Variants in MYRIP observed in about 807,000 individuals in gnomAD.
The protein encoded by MYRIP is rab effector MyRIP.
A neutral mutation model predicts 98.0 loss-of-function variants in MYRIP; 49 were observed. The observed-to-expected ratio is 0.50, with a 90% confidence interval of 0.40 to 0.63. The LOEUF is 0.63. Among genes scored for constraint, MYRIP ranks in the 30% least tolerant of loss-of-function variants. The pLI is 0.00. For synonymous variants in MYRIP, 404 were observed against 409.5 expected (o/e 0.99, Z 0.16); for missense variants, 1,004 against 1,058.2 (o/e 0.95, Z 0.71).
At chr3:39,952,168 C>T (rs1261172932) in intron 2 of MYRIP, among the ~76,000 whole-genome samples, 1 of 152,124 alleles carries the variant, frequency 6.6e-6, no homozygotes, top group Non-Finnish European at 1.5e-5. Context: ...TTGCACATGG[C>T]TTCTTTCATT....
chr3:39,963,314 T>C (rs1008537760), intron 2 of MYRIP, among the ~76,000 whole-genome samples: 1 of 152,166 alleles, frequency 6.6e-6, no homozygotes, highest in African/African-American at 2.4e-5. Flanking sequence ...AAATGAGCTA[T>C]GAACAACTCA....
intron 3 of MYRIP, among the ~76,000 whole-genome samples, chr3:40,139,714 G>A (rs1949854610): frequency 6.6e-6 from 1 of 152,098 alleles, no homozygotes; most frequent in Admixed American, 6.5e-5. Flanking sequence ...CAAGTAGCTG[G>A]GACTACAGGC....
rs200258334 is a variant in MYRIP at position 40,190,460 on chromosome 3, T to C, written c.1662T>C (p.His554=). 32 of 1,584,742 alleles carry C rather than the reference T, an allele frequency of 2.0e-5. 1 individual carries two copies. The Admixed American group carries it at 4.4e-4, about 22-fold the overall frequency. ...PSAQLRDLDT[H]QVSDDLSETD... ...CCCAGCTCCGGGATCTAGACACACA[T>C]CAGGTAATGGAAGTGCATGCGTGCA... is the stretch of plus-strand genomic sequence containing the variant. Residue 554 remains histidine, a synonymous_variant, in exon 10 of 17, where the codon CAT becomes CAC. Coordinates refer to ENST00000302541, the MANE Select transcript of MYRIP (RefSeq NM_015460.4).
At chr3:40,084,360 G>GTATTATATATCT (rs1575524743) in intron 3 of MYRIP, among the ~76,000 whole-genome samples, 93 of 54,402 alleles carry the variant, frequency 1.7e-3, no homozygotes, top group East Asian at 3.4e-3. Context: ...TATATCGATA[G>GTATTATATATCT]ATAATACACA....
intron 2 of MYRIP, among the ~76,000 whole-genome samples, chr3:39,967,454 A>G (rs1945468325): frequency 6.6e-6 from 1 of 152,180 alleles, no homozygotes; most frequent in Non-Finnish European, 1.5e-5. Context: ...TTCATGGTAC[A>G]TATGTACCAT....
chr3:39,916,672 C>T (rs1384369828), intron 2 of MYRIP, among the ~76,000 whole-genome samples: 1 of 152,040 alleles, frequency 6.6e-6, no homozygotes. Context: ...TCAAACCCCA[C>T]AAACCTTCCT....
At chr3:39,927,954 A>T (rs1242888183) in intron 2 of MYRIP, among the ~76,000 whole-genome samples, 2 of 152,076 alleles carry the variant, frequency 1.3e-5, no homozygotes, top group Admixed American at 6.6e-5. Context: ...ATCTCAATAG[A>T]CGTAGAGAAA....
intron 1 of MYRIP, among the ~76,000 whole-genome samples, chr3:39,857,656 A>C (rs1036682202): frequency 8.5e-5 from 13 of 152,190 alleles, no homozygotes; most frequent in Non-Finnish European, 1.9e-4. Context: ...AGAGTTAAAA[A>C]ACAAACATAT....
At chr3:39,950,928 T>C (rs1944998899) in intron 2 of MYRIP, among the ~76,000 whole-genome samples, 1 of 152,204 alleles carries the variant, frequency 6.6e-6, no homozygotes, top group Non-Finnish European at 1.5e-5. Flanking sequence ...GTTATACCTT[T>C]TTGTATTCAG....
intron 2 of MYRIP, among the ~76,000 whole-genome samples, chr3:39,927,890 T>C (rs1402650249): frequency 6.6e-6 from 1 of 151,908 alleles, no homozygotes; most frequent in African/African-American, 2.4e-5. Flanking sequence ...CATACATAAA[T>C]CAATAAATGT....
intron 1 of MYRIP, among the ~76,000 whole-genome samples, chr3:39,826,475 C>A (rs904629304): frequency 1.4e-4 from 21 of 152,096 alleles, no homozygotes; most frequent in African/African-American, 4.8e-4. Flanking sequence ...TTTGAATATT[C>A]TTATTATTAA....
intron 3 of MYRIP, among the ~76,000 whole-genome samples, chr3:40,093,688 T>G (rs1235429760): frequency 6.6e-6 from 1 of 152,212 alleles, no homozygotes; most frequent in African/African-American, 2.4e-5. Flanking sequence ...TCTCAACATT[T>G]TTCAAACAGA....
intron 4 of MYRIP, 45 bp downstream of exon 4, chr3:40,151,229 G>T (rs752987299): frequency 6.4e-7 from 1 of 1,552,646 alleles, no homozygotes; most frequent in Non-Finnish European, 8.7e-7. Context: ...GTGGGCTGGT[G>T]GGTAGAAGGC....
At chr3:39,995,763 A>C (rs1946334526) in intron 2 of MYRIP, among the ~76,000 whole-genome samples, 2 of 152,230 alleles carry the variant, frequency 1.3e-5, no homozygotes, top group South Asian at 4.1e-4. Context: ...AATGAAGGAA[A>C]AAATGTTAAG....
intron 3 of MYRIP, among the ~76,000 whole-genome samples, chr3:40,100,606 G>A (rs564388268): frequency 2.6e-4 from 39 of 152,360 alleles, no homozygotes; most frequent in African/African-American, 9.1e-4. Context: ...GGTTGTAGCT[G>A]TGGCTGCCTT....
At chr3:39,872,607 G>A (rs367708563) in intron 1 of MYRIP, among the ~76,000 whole-genome samples, 7 of 148,928 alleles carry the variant, frequency 4.7e-5, no homozygotes, top group Non-Finnish European at 7.4e-5. Context: ...TTGTCCTTGC[G>A]ATAGTTTACT....
intron 13 of MYRIP, among the ~76,000 whole-genome samples, chr3:40,245,174 G>A (rs540844862): frequency 2.0e-5 from 3 of 152,148 alleles, no homozygotes; most frequent in Non-Finnish European, 4.4e-5. Context: ...ATTTAGATAC[G>A]GCTATTTCAG....
At chr3:40,179,381 T>C (rs1950836609) in intron 8 of MYRIP, among the ~76,000 whole-genome samples, 1 of 152,198 alleles carries the variant, frequency 6.6e-6, no homozygotes, top group Non-Finnish European at 1.5e-5. Flanking sequence ...CTCTCTGCTG[T>C]TGGGACCAGA....
At chr3:39,995,345 A>G (rs1311994493) in intron 2 of MYRIP, among the ~76,000 whole-genome samples, 1 of 152,166 alleles carries the variant, frequency 6.6e-6, no homozygotes, top group African/African-American at 2.4e-5. Flanking sequence ...TCCTTAAAGG[A>G]CCTGATGGAG....
Sources: gnomAD v4.1 joint callset for allele counts (sites outside exome capture counted in the v4.1 genomes callset) on GRCh38, gnomAD v4.1.1 for gene constraint, MANE v1.5 for transcripts, NCBI Gene and HGNC (gene_info 2026-07-23, HGNC 2026-07-21) for gene names.